Variants in FANCD2 observed in about 807,000 individuals in gnomAD.
The protein encoded by FANCD2 is FA complementation group D2.
FANCD2 carries 131 observed loss-of-function variants against 192.3 expected under a neutral mutation model. The observed-to-expected ratio is 0.68, with a 90% CI of 0.59 to 0.79. The LOEUF (loss-of-function observed/expected upper bound fraction) is 0.79. Ranked by LOEUF, FANCD2 falls within the 30% of genes least tolerant of loss-of-function variation. The probability of loss-of-function intolerance (pLI) is 0.00; values close to 1 mark genes in which losing one functional copy is unlikely to be tolerated. For missense variants in FANCD2, 1,508 were observed against 1,701.6 expected (o/e 0.89, Z 2.00); for synonymous variants, 524 against 612.5 (o/e 0.86, Z 2.13).
chr3:10,071,231 C>T (rs1468377750), intron 26 of FANCD2, among the ~76,000 whole-genome samples: 3 of 151,160 alleles, frequency 2.0e-5, no homozygotes, highest in Admixed American at 6.6e-5. Flanking sequence ...AACCTTTGTA[C>T]ACTGTTGGTG....
rs1456063602 is a variant in FANCD2, at chr3:10,094,365, T to G, written c.3963+2T>G. On this transcript the variant is annotated splice_donor_variant, in intron 40 of 43. Coordinates refer to ENST00000675286, the MANE Select transcript of FANCD2 (RefSeq NM_001018115.3). LOFTEE classifies it high-confidence loss of function. ...GACTTCAGTTTTAGAAAACACCGGG[T>G]AAGAGCTAAGAGCAGAGAACAAAGA... The G allele has an allele frequency of 6.2e-7, 1 of 1,610,882 alleles. No individual in the cohort carries two copies. Among genetic ancestry groups the G allele is most frequent in the Non-Finnish European group, 8.5e-7 (1 of 1,177,338 alleles).
intron 3 of FANCD2, among the ~76,000 whole-genome samples, 160 bp downstream of exon 3, chr3:10,033,132 C>T (rs747310854): frequency 2.0e-5 from 3 of 152,130 alleles, no homozygotes; most frequent in Non-Finnish European, 4.4e-5. Context: ...ACAGTCAGGC[C>T]GGGCGCGGTG....
intron 32 of FANCD2, among the ~76,000 whole-genome samples, chr3:10,084,118 T>C (rs1012200782): frequency 2.6e-5 from 4 of 151,474 alleles, no homozygotes; most frequent in African/African-American, 9.7e-5. Context: ...CTCAGCCTCC[T>C]GAATAGCTGA....
At chr3:10,081,071 C>G in intron 30 of FANCD2, 29 bp from the exon 31 acceptor site, 1 of 1,613,758 alleles carries the variant, frequency 6.2e-7, no homozygotes, top group Non-Finnish European at 8.5e-7. Context: ...CCAGCAGTTT[C>G]TTCACTCATA....
At chr3:10,063,293 T>C (rs1192513996) in intron 20 of FANCD2, among the ~76,000 whole-genome samples, 4 of 151,902 alleles carry the variant, frequency 2.6e-5, no homozygotes, top group African/African-American at 9.7e-5. Flanking sequence ...AAAAATTAGC[T>C]GGACATGGTG....
In FANCD2 at chr3:10,046,564, T is replaced by C. The variant is rs780384817; in HGVS notation, c.1135-16T>C. The stretch of plus-strand genomic sequence containing the variant: ...TGTTAACTGTTTTTCTGTTGTTGCA[T>C]ATTTATTGACAATAGGTGTTTGACC... On this transcript the variant is annotated splice_polypyrimidine_tract_variant and intron_variant, in intron 14 of 43. Coordinates refer to ENST00000675286, the MANE Select transcript of FANCD2 (RefSeq NM_001018115.3). The C allele has an allele frequency of 6.2e-7, 1 of 1,614,186 alleles. No homozygotes were observed.
intron 17 of FANCD2, among the ~76,000 whole-genome samples, chr3:10,050,583 A>G (rs1288076639): frequency 7.0e-6 from 1 of 142,922 alleles, no homozygotes; most frequent in African/African-American, 2.7e-5. Context: ...AGATAACACC[A>G]CTGCACTCCA....
intron 6 of FANCD2, 103 bp from the exon 7 acceptor site, chr3:10,036,184 G>A (rs1437245321): frequency 1.1e-6 from 1 of 876,122 alleles, no homozygotes. Flanking sequence ...CCTTCCCCAG[G>A]TCCAAGAGGT....
At chr3:10,069,922 C>T (rs545971295) in intron 26 of FANCD2, among the ~76,000 whole-genome samples, 10 of 151,398 alleles carry the variant, frequency 6.6e-5, no homozygotes, top group African/African-American at 2.2e-4. Context: ...CCTGGCCGCC[C>T]ATCGTCTGGG....
intron 10 of FANCD2, among the ~76,000 whole-genome samples, chr3:10,042,020 C>A (rs527572980): frequency 5.9e-5 from 9 of 152,058 alleles, no homozygotes; most frequent in African/African-American, 2.2e-4. Flanking sequence ...GACTCAGCCT[C>A]CCAAGTAGCT....
At chr3:10,038,816 T>C (rs2086792208) in intron 7 of FANCD2, among the ~76,000 whole-genome samples, 1 of 151,960 alleles carries the variant, frequency 6.6e-6, no homozygotes, top group African/African-American at 2.4e-5. Context: ...CCTGGCCTCA[T>C]GTGATCTGCC....
At chr3:10,082,067 G>T (rs531990743) in intron 32 of FANCD2, among the ~76,000 whole-genome samples, 1 of 152,062 alleles carries the variant, frequency 6.6e-6, no homozygotes, top group Non-Finnish European at 1.5e-5. Flanking sequence ...AACTGCCTAC[G>T]CAACACCTCC....
At chr3:10,045,088 G>GTTTTTTGTTTT (rs2086963890) in intron 14 of FANCD2, among the ~76,000 whole-genome samples, 1 of 128,938 alleles carries the variant, frequency 7.8e-6, no homozygotes, top group African/African-American at 3.3e-5. Flanking sequence ...CTTTTTAACT[G>GTTTTTTGTTTT]TTTTTTTTTT....
chr3:10,040,279 G>T (rs1455543776), intron 9 of FANCD2: 1 of 333,960 alleles, frequency 3.0e-6, no homozygotes, highest in Non-Finnish European at 5.8e-6. Flanking sequence ...CTTGTGATCC[G>T]CCCTCCTCGG....
At chr3:10,069,246 A>G (rs964132378) in intron 26 of FANCD2, among the ~76,000 whole-genome samples, 2 of 152,208 alleles carry the variant, frequency 1.3e-5, no homozygotes, top group African/African-American at 4.8e-5. Context: ...AAATATTTGC[A>G]AACTATGTAT....
At chr3:10,091,477 GAA>G (rs1018395681) in intron 37 of FANCD2, among the ~76,000 whole-genome samples, 10 of 142,370 alleles carry the variant, frequency 7.0e-5, no homozygotes. Context: ...GTCTCAAAAA[GAA>G]AAAAAAAAGA....
intron 43 of FANCD2, among the ~76,000 whole-genome samples, chr3:10,100,172 C>G (rs984211533): frequency 6.6e-6 from 1 of 152,134 alleles, no homozygotes. Context: ...AGAGCGAGAC[C>G]CTGTCTCAAA....
chr3:10,054,410 CGTAT>C (rs2087325056), intron 18 of FANCD2, among the ~76,000 whole-genome samples: 1 of 71,416 alleles, frequency 1.4e-5, no homozygotes, highest in African/African-American at 8.5e-5. Flanking sequence ...TATGTATATA[CGTAT>C]ATACATATAT....
rs1332120048 is a variant in FANCD2, at chr3:10,074,582, C to T, written c.2768C>T (p.Ala923Val). The T allele has an allele frequency of 6.2e-7, 1 of 1,613,574 alleles. No individual in the cohort carries two copies. Among genetic ancestry groups the T allele is most frequent in the Non-Finnish European group, 8.5e-7 (1 of 1,179,766 alleles). ...TCATTGTTACTACATAATTCCCATG[C>T]TTTTTTCCGAGAGCTGGACATTGAG... Reference protein sequence around the residue: ...KTSLLLHNSHAFFRELDIEVF... With the variant: ...KTSLLLHNSHVFFRELDIEVF... Residue 923 changes from alanine (A) to valine (V), a missense_variant, in exon 29 of 44, where the codon GCT becomes GTT. Around this residue, in one of 5 missense-constraint regions of FANCD2, gnomAD observed 796 missense variants for 879.4 expected, o/e 0.91. Transcript: ENST00000675286.
Sources: allele counts gnomAD v4.1 joint callset (sites outside exome capture counted in the v4.1 genomes callset), GRCh38; gene constraint gnomAD v4.1.1; regional missense constraint gnomAD v4.1.1; transcripts MANE v1.5; gene names NCBI Gene and HGNC (gene_info 2026-07-23, HGNC 2026-07-21).